RNF13: variants seen among roughly 807,000 people sequenced by gnomAD.
The protein encoded by RNF13 is ring finger protein 13, also known as E3 ubiquitin-protein ligase RNF13.
A neutral mutation model predicts 37.7 loss-of-function variants in RNF13; 19 were observed. The ratio of observed to expected loss-of-function variants is 0.50; its 90% confidence interval spans 0.35 to 0.74. RNF13 has a LOEUF of 0.74. RNF13 is among the 30% of genes least tolerant of loss of function. The probability of loss-of-function intolerance (pLI) is 0.01; values close to 1 mark genes in which losing one functional copy is unlikely to be tolerated. For missense variants in RNF13, 375 were observed against 453.0 expected, an observed-to-expected ratio of 0.83 and a Z score of 1.56; for synonymous variants, 144 against 157.8, an observed-to-expected ratio of 0.91 and a Z score of 0.65.
At chr3:149,937,550 A>C (rs1239855369) in intron 8 of RNF13, among the ~76,000 whole-genome samples, 1 of 152,170 alleles carries the variant, frequency 6.6e-6, no homozygotes, top group East Asian at 1.9e-4. Flanking sequence ...CGGGAAAATC[A>C]ACTCAGATTG....
intron 2 of RNF13, among the ~76,000 whole-genome samples, chr3:149,849,774 G>T (rs777750430): frequency 2.0e-4 from 30 of 152,176 alleles, no homozygotes; most frequent in Non-Finnish European, 3.8e-4. Flanking sequence ...TACCTGTAAA[G>T]TGCTTAGCAT....
At chr3:149,825,956 C>G (rs949346273) in intron 1 of RNF13, among the ~76,000 whole-genome samples, 1 of 152,190 alleles carries the variant, frequency 6.6e-6, no homozygotes, top group African/African-American at 2.4e-5. Flanking sequence ...CTCCCTACCC[C>G]TCTTTGTATC....
At chr3:149,838,707 G>A (rs1249166985) in intron 1 of RNF13, among the ~76,000 whole-genome samples, 127 of 152,216 alleles carry the variant, frequency 8.3e-4, no homozygotes, top group Non-Finnish European at 1.5e-3. Context: ...GGCCTGTGAT[G>A]GGAGAGGCTG....
At chr3:149,889,653 AT>A (rs945001092) in intron 4 of RNF13, among the ~76,000 whole-genome samples, 290 of 126,244 alleles carry the variant, frequency 2.3e-3, no homozygotes, top group Middle Eastern at 4.6e-3. Flanking sequence ...AAATCTGACA[AT>A]TTTTTTTTTT....
intron 8 of RNF13, among the ~76,000 whole-genome samples, chr3:149,945,368 TG>T (rs913447022): frequency 3.3e-5 from 5 of 150,646 alleles, no homozygotes; most frequent in Admixed American, 1.3e-4. Context: ...GGCTGGGGGG[TG>T]GGGGGTGCCC....
rs572507674 is a variant in RNF13 at position 149,869,708 on chromosome 3, T to A, written c.196-2321T>A. ...ATGGTTCCCTGCTTGCTCTTGTTTC[T>A]TGTGGATGTATGTCAGTGTCTTTGC... is the stretch of plus-strand genomic sequence containing the variant. On this transcript the variant is annotated intron_variant, in intron 3 of 9. Coordinates refer to ENST00000392894, the MANE Select transcript of RNF13 (RefSeq NM_183381.3). 1.6e-4 allele frequency among the ~76,000 whole-genome samples: 24 copies of A among 152,016 alleles called. 1 individual carries two copies. The highest frequency in any genetic ancestry group is 3.4e-4 in the Non-Finnish European group (23 of 67,874).
chr3:149,889,512 C>T (rs906455990), intron 4 of RNF13, among the ~76,000 whole-genome samples: 2 of 149,512 alleles, frequency 1.3e-5, no homozygotes, highest in South Asian at 2.1e-4. Flanking sequence ...ACCTTGTTGG[C>T]CAGGATGGTC....
chr3:149,851,821 G>A (rs971680779), intron 2 of RNF13, among the ~76,000 whole-genome samples: 2 of 152,198 alleles, frequency 1.3e-5, no homozygotes, highest in East Asian at 3.9e-4. Flanking sequence ...AAATGATACA[G>A]CAAACTCATC....
chr3:149,828,439 G>T (rs1213981792), intron 1 of RNF13, among the ~76,000 whole-genome samples: 1 of 152,164 alleles, frequency 6.6e-6, no homozygotes, highest in East Asian at 1.9e-4. Context: ...ATACCTTCAA[G>T]TACACTGTGC....
At chr3:149,922,843 C>G (rs921550469) in intron 8 of RNF13, among the ~76,000 whole-genome samples, 1 of 152,130 alleles carries the variant, frequency 6.6e-6, no homozygotes, top group Non-Finnish European at 1.5e-5. Context: ...TAAGTTTCCC[C>G]TATAGTATAG....
chr3:149,835,009 C>G (rs997170642), intron 1 of RNF13, among the ~76,000 whole-genome samples: 8 of 152,114 alleles, frequency 5.3e-5, no homozygotes, highest in African/African-American at 1.9e-4. Flanking sequence ...ATACCATATG[C>G]AACAGTTAAC....
intron 8 of RNF13, among the ~76,000 whole-genome samples, chr3:149,935,932 G>T (rs994519366): frequency 6.6e-6 from 1 of 151,932 alleles, no homozygotes; most frequent in Non-Finnish European, 1.5e-5. Context: ...TTTATAAGAT[G>T]AATTCCTTCA....
At chr3:149,925,240 C>T (rs1466682956) in intron 8 of RNF13, among the ~76,000 whole-genome samples, 2 of 152,074 alleles carry the variant, frequency 1.3e-5, no homozygotes, top group Non-Finnish European at 2.9e-5. Flanking sequence ...TTTATCATCA[C>T]TTTTTTCAAA....
intron 1 of RNF13, among the ~76,000 whole-genome samples, chr3:149,835,504 C>T (rs568051673): frequency 6.6e-5 from 10 of 152,058 alleles, no homozygotes; most frequent in East Asian, 3.9e-4. Flanking sequence ...CTCCCACTAA[C>T]GAGTGAGAAC....
chr3:149,946,759 T>C (rs1240739019), intron 8 of RNF13, among the ~76,000 whole-genome samples: 1 of 152,202 alleles, frequency 6.6e-6, no homozygotes. Flanking sequence ...GAATACCAAC[T>C]GTTGGTTTTG....
At chr3:149,833,775 G>A (rs1721307002) in intron 1 of RNF13, among the ~76,000 whole-genome samples, 1 of 152,156 alleles carries the variant, frequency 6.6e-6, no homozygotes, top group Non-Finnish European at 1.5e-5. Flanking sequence ...AATTAGGCAA[G>A]AAAGAGAAAT....
chr3:149,950,003 TCA>T (rs1721159760), intron 8 of RNF13, among the ~76,000 whole-genome samples: 1 of 152,196 alleles, frequency 6.6e-6, no homozygotes, highest in South Asian at 2.1e-4. Context: ...TCTTTGCTTT[TCA>T]GTTTTGTAAG....
intron 7 of RNF13, among the ~76,000 whole-genome samples, chr3:149,916,785 C>G (rs1211948816): frequency 6.6e-6 from 1 of 152,056 alleles, no homozygotes; most frequent in South Asian, 2.1e-4. Context: ...TTAAAATAAA[C>G]ATTATTAAAT....
intron 3 of RNF13, among the ~76,000 whole-genome samples, chr3:149,860,270 A>AAAAAATATATATATATAT (rs1302318768): frequency 9.6e-6 from 1 of 104,116 alleles, no homozygotes; most frequent in African/African-American, 4.2e-5. Context: ...AAAAAAAAAA[A>AAAAAATATATATATATAT]ATATATATAT....
Sources: allele counts gnomAD v4.1 joint callset (sites outside exome capture counted in the v4.1 genomes callset), GRCh38; gene constraint gnomAD v4.1.1; transcripts MANE v1.5; gene names NCBI Gene and HGNC (gene_info 2026-07-23, HGNC 2026-07-21).